PARP6: variants seen among roughly 807,000 people sequenced by gnomAD.
The protein encoded by PARP6 is poly(ADP-ribose) polymerase family member 6.
A neutral mutation model predicts 92.0 loss-of-function variants in PARP6; 27 were observed. That is an observed-to-expected ratio of 0.29 (90% CI 0.22 to 0.40). The LOEUF is 0.40. PARP6 is among the 10% of genes least tolerant of loss of function. The probability of loss-of-function intolerance (pLI) is 1.00; values close to 1 mark genes in which losing one functional copy is unlikely to be tolerated. For synonymous variants in PARP6, 272 were observed against 281.2 expected (o/e 0.97, Z 0.33); for missense variants, 501 against 784.5 (o/e 0.64, Z 4.32).
chr15:72,269,474 G>A (rs1051173826), intron 2 of PARP6, among the ~76,000 whole-genome samples: 1 of 152,040 alleles, frequency 6.6e-6, no homozygotes, highest in Admixed American at 6.6e-5. Flanking sequence ...CTCTAATACA[G>A]TTCTACTGAA....
chr15:72,249,858 T>G (rs2084108195), intron 19 of PARP6, among the ~76,000 whole-genome samples, 162 bp downstream of exon 19: 1 of 152,212 alleles, frequency 6.6e-6, no homozygotes. Context: ...AACAGCCACG[T>G]TCTCTATTCA....
At chr15:72,244,754 ATAG>A (rs2083409839) in intron 20 of PARP6, 1 of 152,274 alleles carries the variant, frequency 6.6e-6, no homozygotes, top group Non-Finnish European at 1.5e-5. Flanking sequence ...TCACATATCT[ATAG>A]GGCCCTCAGA....
chr15:72,267,521 C>T lies in PARP6; in HGVS notation c.-44G>A. ...ACACTCTCAGGTCAGTGCTAGGCAG[C>T]ACCCCTCCATACCACTAGCCGAACC... On this transcript the variant is annotated 5_prime_UTR_variant, in exon 3 of 24. Transcript: ENST00000569795. The T allele has an allele frequency of 6.2e-7, 1 of 1,612,516 alleles. No homozygotes were observed. Among genetic ancestry groups the T allele is most frequent in the East Asian group, 2.2e-5 (1 of 44,840 alleles).
chr15:72,256,403 A>G, intron 14 of PARP6, 62 bp downstream of exon 14: 1 of 1,366,558 alleles, frequency 7.3e-7, no homozygotes, highest in Non-Finnish European at 9.6e-7. Context: ...ATGTCAGCCC[A>G]TAGTCTGCCA....
chr15:72,270,948 T>C (rs970911189), intron 2 of PARP6, 75 bp downstream of exon 2: 1 of 152,198 alleles, frequency 6.6e-6, no homozygotes, highest in Non-Finnish European at 1.5e-5. Context: ...ATGGGAGATA[T>C]ATACAATAAC....
At chr15:72,270,872 G>A (rs1301385827) in intron 2 of PARP6, among the ~76,000 whole-genome samples, 151 bp downstream of exon 2, 3 of 152,152 alleles carry the variant, frequency 2.0e-5, no homozygotes. Context: ...TACATTCTTA[G>A]TCCCTTAACA....
intron 4 of PARP6, 110 bp from the exon 5 acceptor site, chr15:72,266,101 C>A: frequency 1.3e-6 from 1 of 791,182 alleles, no homozygotes; most frequent in South Asian, 1.5e-5. Context: ...AATCAGACAG[C>A]AGTATAGGGG....
intron 20 of PARP6, among the ~76,000 whole-genome samples, chr15:72,246,481 C>A (rs1453792286): frequency 6.6e-6 from 1 of 152,140 alleles, no homozygotes; most frequent in Non-Finnish European, 1.5e-5. Flanking sequence ...AATGAATACC[C>A]AGAGACCCAA....
intron 8 of PARP6, among the ~76,000 whole-genome samples, chr15:72,262,061 T>C (rs935923400): frequency 6.6e-6 from 1 of 152,126 alleles, no homozygotes; most frequent in Non-Finnish European, 1.5e-5. Flanking sequence ...TGGAGGTGAG[T>C]ACCACTTTGT....
intron 3 of PARP6, 89 bp downstream of exon 3, chr15:72,267,386 A>C (rs2086740097): frequency 7.0e-7 from 1 of 1,420,354 alleles, no homozygotes; most frequent in Admixed American, 1.7e-5. Context: ...AAAGGGTAGA[A>C]GGGAAAATAC....
intron 10 of PARP6, 97 bp downstream of exon 10, chr15:72,260,381 G>T: frequency 1.0e-6 from 1 of 959,274 alleles, no homozygotes; most frequent in Non-Finnish European, 1.6e-6. Flanking sequence ...ATGATGCCTA[G>T]ACAACCATAT....
At chr15:72,267,140 G>T (rs2086704472) in intron 3 of PARP6, 2 of 520,764 alleles carry the variant, frequency 3.8e-6, no homozygotes, top group Non-Finnish European at 6.9e-6. Context: ...TCAATGTCAA[G>T]GTTGACTCCT....
At chr15:72,266,722 G>A (rs781155195) in intron 4 of PARP6, 23 bp downstream of exon 4, 4 of 1,554,380 alleles carry the variant, frequency 2.6e-6, no homozygotes, top group Non-Finnish European at 2.7e-6. Flanking sequence ...CCAACACGGG[G>A]GTCTTGGGAG....
At position 72,241,811 on chromosome 15, in the gene PARP6, TA is replaced by T. The variant is rs1206972770; in HGVS notation, c.1790+89del. The T allele has an allele frequency of 4.1e-6, 4 of 976,456 alleles. No homozygotes were observed. The highest frequency in any genetic ancestry group is 6.6e-6 in the Non-Finnish European group (4 of 606,374). The allele number at this position is 976,456 out of a possible 1,614,324, so 60.5% of individuals were successfully genotyped here. On this transcript the variant is annotated intron_variant, in intron 23 of 23. Coordinates refer to ENST00000569795, the MANE Select transcript of PARP6 (RefSeq NM_001323532.2). This position sits in a 1 kb window ranked among gnomAD's most constrained non-coding sequence, Gnocchi z 4.1. ...CAGGTAGCCAAGGACATGTCTCAGATAACAGAAATAGACTTTTCCCAGTAGC... is the reference window on the plus strand; with the variant it reads ...CAGGTAGCCAAGGACATGTCTCAGATACAGAAATAGACTTTTCCCAGTAGC...
intron 4 of PARP6, among the ~76,000 whole-genome samples, chr15:72,266,522 G>T (rs1396742559): frequency 3.3e-5 from 5 of 152,096 alleles, no homozygotes; most frequent in Admixed American, 1.3e-4. Flanking sequence ...TTAAGATATG[G>T]GTAGTCTCCA....
chr15:72,253,130 G>A (rs1218953092), intron 16 of PARP6, among the ~76,000 whole-genome samples: 1 of 148,788 alleles, frequency 6.7e-6, no homozygotes, highest in Admixed American at 6.7e-5. Context: ...AACCATGATC[G>A]CACCACTGCA....
chr15:72,250,074 G>A lies in PARP6; in HGVS notation c.1437C>T (p.Asn479=). 1 of 1,609,858 alleles carries A rather than the reference G, an allele frequency of 6.2e-7. No homozygotes were observed. The highest frequency in any genetic ancestry group is 8.5e-7 in the Non-Finnish European group (1 of 1,176,110). The part of the protein sequence containing the change: ...TFAFHGSHIE[N]WHSILRNGLV... ...GCCCATTGCGCAGGATCGAATGCCA[G>A]TTCTCAATGTGGGACCCACTGTAAG... The change falls in exon 19 of 24, where the codon AAC becomes AAT. Residue 479 remains asparagine (N), a synonymous_variant. Transcript: ENST00000569795.
At chr15:72,246,172 C>T (rs541603339) in intron 20 of PARP6, among the ~76,000 whole-genome samples, 4 of 152,206 alleles carry the variant, frequency 2.6e-5, no homozygotes, top group South Asian at 2.1e-4. Context: ...TTTTTTGAGA[C>T]GGAGTCTCAC....
At chr15:72,259,982 C>T (rs1175360492) in intron 10 of PARP6, among the ~76,000 whole-genome samples, 2 of 152,202 alleles carry the variant, frequency 1.3e-5, no homozygotes, top group Non-Finnish European at 2.9e-5. Flanking sequence ...CATGGCCTAT[C>T]AGAGAAGCTC....
Sources: allele counts gnomAD v4.1 joint callset (sites outside exome capture counted in the v4.1 genomes callset), GRCh38; gene constraint gnomAD v4.1.1; non-coding constraint Gnocchi (gnomAD v3.1); transcripts MANE v1.5; gene names NCBI Gene and HGNC (gene_info 2026-07-23, HGNC 2026-07-21).